The following STYXL1 variants were observed in gnomAD, a reference collection of about 807,000 sequenced individuals.
STYXL1 encodes the protein serine/threonine/tyrosine interacting like 1.
In STYXL1, 32 loss-of-function variants were observed where a neutral mutation model predicts 36.4. The observed-to-expected ratio is 0.88, with a 90% CI of 0.66 to 1.18. The LOEUF (loss-of-function observed/expected upper bound fraction) is 1.18. Ranked by LOEUF, STYXL1 falls within the 50% of genes most tolerant of loss-of-function variation. STYXL1 has a pLI of 0.00. For missense variants in STYXL1, 354 were observed against 394.1 expected, an observed-to-expected ratio of 0.90 and a Z score of 0.86; for synonymous variants, 133 against 144.1, an observed-to-expected ratio of 0.92 and a Z score of 0.55.
At chr7:76,013,462 T>C (rs1272537314) in intron 5 of STYXL1, among the ~76,000 whole-genome samples, 2 of 151,842 alleles carry the variant, frequency 1.3e-5, no homozygotes, top group African/African-American at 4.8e-5. Flanking sequence ...TCTTACTCTG[T>C]CATCCAGGCT....
intron 3 of STYXL1, among the ~76,000 whole-genome samples, chr7:76,024,204 A>G (rs1246295762): frequency 2.6e-5 from 4 of 152,160 alleles, no homozygotes; most frequent in African/African-American, 4.8e-5. Flanking sequence ...GAGCACCACT[A>G]GAAACCCATG....
At chr7:76,011,743 C>A (rs1554572272) in intron 5 of STYXL1, among the ~76,000 whole-genome samples, 1 of 152,210 alleles carries the variant, frequency 6.6e-6, no homozygotes, top group East Asian at 1.9e-4. Flanking sequence ...TTAGACAACT[C>A]CACCCAGTTC....
At chr7:76,046,348 G>GCC (rs1563535621) in intron 1 of STYXL1, among the ~76,000 whole-genome samples, 11 of 63,612 alleles carry the variant, frequency 1.7e-4, no homozygotes, top group Non-Finnish European at 2.8e-4. Context: ...GTGCGCGCGC[G>GCC]CGCGCGCGCG....
intron 1 of STYXL1, among the ~76,000 whole-genome samples, chr7:76,035,243 A>T (rs1211711511): frequency 7.7e-6 from 1 of 130,654 alleles, no homozygotes; most frequent in African/African-American, 2.6e-5. Flanking sequence ...GTAGTGCCCA[A>T]CTGGATTTCT....
At chr7:76,027,128 G>A (rs1794807540) in intron 3 of STYXL1, among the ~76,000 whole-genome samples, 1 of 152,080 alleles carries the variant, frequency 6.6e-6, no homozygotes, top group Admixed American at 6.6e-5. Context: ...CAAGTTCAGG[G>A]CAGAGAATTT....
intron 5 of STYXL1, among the ~76,000 whole-genome samples, chr7:76,010,700 C>T (rs1023063482): frequency 3.3e-5 from 5 of 152,116 alleles, no homozygotes; most frequent in African/African-American, 9.7e-5. Flanking sequence ...ACTCTGGGCC[C>T]TACTGCCAAA....
At chr7:76,040,864 GAAAA>G (rs1369000382) in intron 1 of STYXL1, among the ~76,000 whole-genome samples, 1 of 150,012 alleles carries the variant, frequency 6.7e-6, no homozygotes, top group Non-Finnish European at 1.5e-5. Flanking sequence ...AAAATGAAAA[GAAAA>G]AGAAAAAAAA....
rs1554565688 is a variant in STYXL1, at chr7:75,999,538, T to TGTGTGA, written c.810+1351_810+1352insTCACAC. 4.2e-3 allele frequency among the ~76,000 whole-genome samples: 580 copies of TGTGTGA among 138,520 alleles called. 2 individuals are homozygous for TGTGTGA. The highest frequency in any genetic ancestry group is 0.019 in the East Asian group (95 of 4,962). 90.9% of individuals were successfully genotyped at this position (138,520 alleles called of 152,430 possible). A position where few individuals can be genotyped will look rare whatever the true frequency, so the allele number is the denominator to read the frequency against. On this transcript the variant is annotated intron_variant, in intron 8 of 8. Coordinates refer to ENST00000359697, the MANE Select transcript of STYXL1 (RefSeq NM_001317785.2). ...GTGTGTGTGTGTGTGTGTGTGTGTG[T>TGTGTGA]GTGTGTGTGTGTGTATATTTTTTTT...
chr7:75,999,540 T>A lies in STYXL1; in HGVS notation c.810+1350A>T, dbSNP rs1585167244. Reference sequence around the variant, plus strand: ...GTGTGTGTGTGTGTGTGTGTGTGTGTGTGTGTGTGTGTATATTTTTTTTTG... The same window carrying A: ...GTGTGTGTGTGTGTGTGTGTGTGTGAGTGTGTGTGTGTATATTTTTTTTTG... On this transcript the variant is annotated intron_variant, in intron 8 of 8. Transcript: ENST00000359697. Among the ~76,000 whole-genome samples, 4 of 138,768 alleles carry A rather than the reference T, an allele frequency of 2.9e-5. No homozygotes were observed. In the South Asian group the frequency reaches 7.1e-4, roughly 24 times the overall value. The allele number at this position is 138,768 out of a possible 152,430, so 91.0% of individuals were successfully genotyped here.
intron 4 of STYXL1, among the ~76,000 whole-genome samples, chr7:76,017,449 A>G (rs781896660): frequency 1.3e-5 from 2 of 152,122 alleles, no homozygotes; most frequent in East Asian, 1.9e-4. Context: ...TAAACGAACT[A>G]ACACAGATAT....
intron 1 of STYXL1, among the ~76,000 whole-genome samples, chr7:76,046,319 TGTGTGTGTGTGTGTGTGTGTGCGCGCGC>T (rs1217616738): frequency 0.033 from 1,236 of 37,846 alleles, 38 homozygotes; most frequent in African/African-American, 0.054. Context: ...TGTGTGTGTG[TGTGTGTGTGTGTGTGTGTGTGCGCGCGC>T]GCGCGCGCGC....
Position 76,013,829 on chromosome 7 carries a change from G to A in STYXL1, c.366C>T (p.His122=). Residue 122 remains histidine, a synonymous_variant, in exon 5 of 9, where the codon CAC becomes CAT. Transcript: ENST00000359697. ...YGRILTRLTH[H]PVYILKGGYE... Reference sequence around the variant, plus strand: ...AGCCCCCTTTCAGGATGTAGACGGGGTGGTGGGTGAGGCGGGTCAGGATCC... The same window carrying A: ...AGCCCCCTTTCAGGATGTAGACGGGATGGTGGGTGAGGCGGGTCAGGATCC... 1 of 1,614,090 alleles carries A rather than the reference G, an allele frequency of 6.2e-7. No individual in the cohort carries two copies. Among genetic ancestry groups the A allele is most frequent in the Non-Finnish European group, 8.5e-7 (1 of 1,180,008 alleles).
chr7:76,017,866 CAAA>C (rs71082374), intron 4 of STYXL1, among the ~76,000 whole-genome samples: 2 of 10,368 alleles, frequency 1.9e-4, no homozygotes, highest in East Asian at 5.1e-3. Flanking sequence ...AACTCCATCT[CAAA>C]AAAAAAAAAA....
At chr7:76,024,642 AC>A (rs1254973066) in intron 3 of STYXL1, among the ~76,000 whole-genome samples, 40 of 147,922 alleles carry the variant, frequency 2.7e-4, no homozygotes, top group African/African-American at 8.9e-4. Context: ...AACAAAAAAA[AC>A]AAAACAAAAA....
In STYXL1 at chr7:75,997,174, G is replaced by GGCACAGGC. The variant is rs537782193; in HGVS notation, c.811-576_811-575insGCCTGTGC. 3.6e-3 allele frequency among the ~76,000 whole-genome samples: 552 copies of GGCACAGGC among 152,366 alleles called. 1 individual carries two copies. Among genetic ancestry groups the GGCACAGGC allele is most frequent in the Admixed American group, 7.8e-3 (119 of 15,298 alleles). ...TGGCCAGGCACAGTGGCTCATGCCT[G>GGCACAGGC]TAATCCTGGCACTTTGGGGGGCCGA... On this transcript the variant is annotated intron_variant, in intron 8 of 8. Transcript: ENST00000359697.
intron 2 of STYXL1, 41 bp from the exon 3 acceptor site, chr7:76,028,744 A>G: frequency 6.3e-7 from 1 of 1,579,670 alleles, no homozygotes; most frequent in Non-Finnish European, 8.7e-7. Context: ...TTGCAAAGGA[A>G]CATACGACCA....
At chr7:76,028,010 C>T (rs1463119333) in intron 3 of STYXL1, among the ~76,000 whole-genome samples, 4 of 151,934 alleles carry the variant, frequency 2.6e-5, no homozygotes, top group Non-Finnish European at 5.9e-5. Flanking sequence ...GGAGGCTGAG[C>T]GGCGTAGGAT....
intron 3 of STYXL1, among the ~76,000 whole-genome samples, chr7:76,026,229 A>AAAAAAG (rs1794705636): frequency 7.2e-6 from 1 of 138,628 alleles, no homozygotes; most frequent in Non-Finnish European, 1.5e-5. Flanking sequence ...AAAAAAAAAA[A>AAAAAAG]GCAGCAGAGA....
chr7:76,013,894 G>A lies in STYXL1; in HGVS notation c.308-7C>T, dbSNP rs368662024. 4 of 1,605,290 alleles carry A rather than the reference G, an allele frequency of 2.5e-6. No individual in the cohort carries two copies. The African/African-American group carries it at 5.4e-5, about 21-fold the overall frequency. ...GCTGCTTGAGGCACAAGATCTGAGA[G>A]TGGAGACCAAAGACATGAATGTCTC... On this transcript the variant is annotated splice_polypyrimidine_tract_variant and splice_region_variant and intron_variant, in intron 4 of 8. Coordinates refer to ENST00000359697, the MANE Select transcript of STYXL1 (RefSeq NM_001317785.2).
Sources: gnomAD v4.1 joint callset for allele counts (sites outside exome capture counted in the v4.1 genomes callset) on GRCh38, gnomAD v4.1.1 for gene constraint, MANE v1.5 for transcripts, NCBI Gene and HGNC (gene_info 2026-07-23, HGNC 2026-07-21) for gene names.